The following AP5M1 variants were observed in gnomAD, a reference collection of about 807,000 sequenced individuals.
AP5M1 encodes the protein adaptor related protein complex 5 subunit mu 1.
A neutral mutation model predicts 52.3 loss-of-function variants in AP5M1; 44 were observed. The ratio of observed to expected loss-of-function variants is 0.84; its 90% CI spans 0.66 to 1.08. The LOEUF (loss-of-function observed/expected upper bound fraction) is 1.08. Ranked by LOEUF, AP5M1 falls within the 50% of genes least tolerant of loss-of-function variation. The pLI is 0.00. For synonymous variants in AP5M1, 213 were observed against 199.0 expected (o/e 1.07, Z -0.59); for missense variants, 526 against 568.4 (o/e 0.93, Z 0.76).
In AP5M1 at chr14:57,295,368, C is replaced by A. The variant is rs887906252; in HGVS notation, c.*6484C>A. The stretch of plus-strand genomic sequence containing the variant: ...ACAAGCAAATTGCTGTTGAAAAATT[C>A]TTTCAGCACTCTGCTGTTGCTACTC... On this transcript the variant is annotated 3_prime_UTR_variant, in exon 8 of 8. Coordinates refer to ENST00000261558, the MANE Select transcript of AP5M1 (RefSeq NM_018229.4). 3.9e-5 allele frequency: 6 copies of A among 151,924 alleles called. No individual in the cohort carries two copies. The highest frequency in any genetic ancestry group is 1.4e-4 in the African/African-American group (6 of 41,406). 9.4% of individuals were successfully genotyped at this position (151,924 alleles called of 1,614,324 possible).
intron 3 of AP5M1, 142 bp from the exon 4 acceptor site, chr14:57,281,947 A>G (rs1885188805): frequency 4.6e-6 from 3 of 659,076 alleles, no homozygotes; most frequent in Non-Finnish European, 7.1e-6. Context: ...TATCCTTAAG[A>G]TGAATATAGA....
rs914378102 is a variant in AP5M1 at position 57,291,969 on chromosome 14, A to G, written c.*3085A>G. ...GTGTTAATAAACAGTCCTCAGGTTTAAGGGACTTTTTTAGGATTACATCTT... is the reference window on the plus strand; with the variant it reads ...GTGTTAATAAACAGTCCTCAGGTTTGAGGGACTTTTTTAGGATTACATCTT... On this transcript the variant is annotated 3_prime_UTR_variant, in exon 8 of 8. Coordinates refer to ENST00000261558, the MANE Select transcript of AP5M1 (RefSeq NM_018229.4). The G allele has an allele frequency of 6.6e-6, 1 of 151,860 alleles. No individual in the cohort carries two copies. Among genetic ancestry groups the G allele is most frequent in the Non-Finnish European group, 1.5e-5 (1 of 67,842 alleles). 9.4% of individuals were successfully genotyped at this position (151,860 alleles called of 1,614,324 possible). A position where few individuals can be genotyped will look rare whatever the true frequency, so the allele number is the denominator to read the frequency against.
At position 57,295,160 on chromosome 14, in the gene AP5M1, T is replaced by C. The variant is rs946880986; in HGVS notation, c.*6276T>C. The C allele has an allele frequency of 3.3e-5, 5 of 151,916 alleles. No homozygotes were observed. The highest frequency in any genetic ancestry group is 7.4e-5 in the Non-Finnish European group (5 of 67,868). 9.4% of individuals were successfully genotyped at this position (151,916 alleles called of 1,614,324 possible). A position where few individuals can be genotyped will look rare whatever the true frequency, so the allele number is the denominator to read the frequency against. On this transcript the variant is annotated 3_prime_UTR_variant, in exon 8 of 8. Coordinates refer to ENST00000261558, the MANE Select transcript of AP5M1 (RefSeq NM_018229.4). ...TTCTAAAGGACATAGGAGTGCATTT[T>C]TTATATGAAACCAGAACTGGAGTGG...
Position 57,290,628 on chromosome 14 carries a change from A to G in AP5M1, c.*1744A>G, listed in dbSNP as rs1885415996. 1 of 151,940 alleles carries G rather than the reference A, an allele frequency of 6.6e-6. No homozygotes were observed. The allele number at this position is 151,940 out of a possible 1,614,324, so 9.4% of individuals were successfully genotyped here. A position where few individuals can be genotyped will look rare whatever the true frequency, so the allele number is the denominator to read the frequency against. The stretch of plus-strand genomic sequence containing the variant: ...AAAATCAGTGAATCTTCTATTTGAC[A>G]TTTCTAGAAACCGGAGGAAAATCTA... On this transcript the variant is annotated 3_prime_UTR_variant, in exon 8 of 8. Coordinates refer to ENST00000261558, the MANE Select transcript of AP5M1 (RefSeq NM_018229.4).
In AP5M1 at chr14:57,278,837, A is replaced by C. The variant is rs151331946; in HGVS notation, c.721-1358A>C. 2.1e-4 allele frequency among the ~76,000 whole-genome samples: 32 copies of C among 152,328 alleles called. 1 individual carries two copies. In the East Asian group the frequency reaches 5.8e-3, roughly 28 times the overall value. ...GGGTAGAAAATTTTTAAGCAGGTAG[A>C]TGAAGAAAAACAACCCCATTAAAAA... On this transcript the variant is annotated intron_variant, in intron 2 of 7. Transcript: ENST00000261558.
In AP5M1 at chr14:57,295,321, C is replaced by T. The variant is rs951965311; in HGVS notation, c.*6437C>T. 3.9e-5 allele frequency: 6 copies of T among 151,900 alleles called. No homozygotes were observed. The highest frequency in any genetic ancestry group is 1.4e-4 in the African/African-American group (6 of 41,420). The allele number at this position is 151,900 out of a possible 1,614,324, so 9.4% of individuals were successfully genotyped here. A position where few individuals can be genotyped will look rare whatever the true frequency, so the allele number is the denominator to read the frequency against. On this transcript the variant is annotated 3_prime_UTR_variant, in exon 8 of 8. Coordinates refer to ENST00000261558, the MANE Select transcript of AP5M1 (RefSeq NM_018229.4). ...CAAGCAACATAATGATTCTGATCAT[C>T]AACCTTGAAAAGTAAATTAGAACAA...
In AP5M1 at chr14:57,269,063, G is replaced by A. The variant is rs1212943076; in HGVS notation, c.-252G>A. 7 of 563,504 alleles carry A rather than the reference G, an allele frequency of 1.2e-5. No homozygotes were observed. In the Admixed American group the frequency reaches 2.2e-4, roughly 17 times the overall value. 34.9% of individuals were successfully genotyped at this position (563,504 alleles called of 1,614,324 possible). On this transcript the variant is annotated 5_prime_UTR_variant, in exon 1 of 8. Coordinates refer to ENST00000261558, the MANE Select transcript of AP5M1 (RefSeq NM_018229.4). ...GAGGAAGAAAATACCGGAGTTGCAGGGTATAGGTAAATTTCTCAAGGTTAT... is the reference window on the plus strand; with the variant it reads ...GAGGAAGAAAATACCGGAGTTGCAGAGTATAGGTAAATTTCTCAAGGTTAT...
chr14:57,292,883 GT>G lies in AP5M1; in HGVS notation c.*4001del. 1 of 151,518 alleles carries G rather than the reference GT, an allele frequency of 6.6e-6. No individual in the cohort carries two copies. The highest frequency in any genetic ancestry group is 1.9e-4 in the East Asian group (1 of 5,166). 9.4% of individuals were successfully genotyped at this position (151,518 alleles called of 1,614,324 possible). On this transcript the variant is annotated 3_prime_UTR_variant, in exon 8 of 8. Coordinates refer to ENST00000261558, the MANE Select transcript of AP5M1 (RefSeq NM_018229.4). The stretch of plus-strand genomic sequence containing the variant: ...TTAAGACTAATGATTTCGAAGCTTT[GT>G]TAACTATTTCTTTTCTTGAGGCAAA...
intron 7 of AP5M1, among the ~76,000 whole-genome samples, chr14:57,287,792 A>G (rs1885343312): frequency 6.6e-6 from 1 of 152,134 alleles, no homozygotes; most frequent in East Asian, 1.9e-4. Context: ...TAGTAATAAT[A>G]ATACCAATTT....
chr14:57,282,834 T>G, intron 4 of AP5M1, 100 bp from the exon 5 acceptor site: 1 of 670,940 alleles, frequency 1.5e-6, no homozygotes, highest in East Asian at 2.6e-5. Flanking sequence ...TCTGCTTTTA[T>G]GCTGTCCTTG....
chr14:57,281,698 A>G (rs947218449), intron 3 of AP5M1, among the ~76,000 whole-genome samples: 10 of 152,200 alleles, frequency 6.6e-5, no homozygotes, highest in Admixed American at 1.3e-4. Context: ...TCAGTCATTG[A>G]TGACCAACCA....
rs981318905 is a variant in AP5M1, at chr14:57,288,103, A to G, written c.1391-699A>G. Among the ~76,000 whole-genome samples the G allele has an allele frequency of 2.6e-5, 4 of 152,074 alleles. 1 individual carries two copies. Among genetic ancestry groups the G allele is most frequent in the Non-Finnish European group, 1.5e-5 (1 of 68,000 alleles). ...GAGAACAAAAAAGACAATATAGTCT[A>G]TATTCTTTTCATTATGAAGAAGGGC... On this transcript the variant is annotated intron_variant, in intron 7 of 7. Coordinates refer to ENST00000261558, the MANE Select transcript of AP5M1 (RefSeq NM_018229.4).
At chr14:57,283,256 C>T (rs1594705783) in intron 6 of AP5M1, 26 bp downstream of exon 6, 1 of 1,253,688 alleles carries the variant, frequency 8.0e-7, no homozygotes, top group Non-Finnish European at 1.1e-6. Context: ...CAGCTCACTA[C>T]AGTAGCACCC....
rs1256014730 is a variant in AP5M1 at position 57,295,458 on chromosome 14, CATT to C, written c.*6579_*6581del. The stretch of plus-strand genomic sequence containing the variant: ...CTCGGTTTTGCATTAACAAAGGAAA[CATT>C]ATTAAAGTGAATGTTTACATTGTGT... On this transcript the variant is annotated 3_prime_UTR_variant, in exon 8 of 8. Transcript: ENST00000261558. 4 of 151,780 alleles carry C rather than the reference CATT, an allele frequency of 2.6e-5. No individual in the cohort carries two copies. The highest frequency in any genetic ancestry group is 5.9e-5 in the Non-Finnish European group (4 of 67,844). The allele number at this position is 151,780 out of a possible 1,614,324, so 9.4% of individuals were successfully genotyped here.
intron 1 of AP5M1, chr14:57,273,897 A>G: frequency 1.7e-6 from 1 of 601,338 alleles, no homozygotes; most frequent in African/African-American, 1.8e-5. Context: ...TAGATGCCTA[A>G]AACGGTTCAA....
At position 57,290,644 on chromosome 14, in the gene AP5M1, G is replaced by A. The variant is rs1260878605; in HGVS notation, c.*1760G>A. The A allele has an allele frequency of 1.3e-5, 2 of 151,872 alleles. No homozygotes were observed. The highest frequency in any genetic ancestry group is 4.8e-5 in the African/African-American group (2 of 41,388). The allele number at this position is 151,872 out of a possible 1,614,324, so 9.4% of individuals were successfully genotyped here. On this transcript the variant is annotated 3_prime_UTR_variant, in exon 8 of 8. Transcript: ENST00000261558. ...CTATTTGACATTTCTAGAAACCGGA[G>A]GAAAATCTAGGGTGTCCTGGAAAAG...
intron 1 of AP5M1, among the ~76,000 whole-genome samples, chr14:57,270,420 G>A (rs1340342362): frequency 6.6e-6 from 1 of 152,110 alleles, no homozygotes; most frequent in Non-Finnish European, 1.5e-5. Context: ...TAGTGAAGTA[G>A]TACCATAGTA....
At position 57,269,250 on chromosome 14, in the gene AP5M1, G is replaced by A. The variant is rs1003322657; in HGVS notation, c.-65G>A. 2 of 1,486,164 alleles carry A rather than the reference G, an allele frequency of 1.3e-6. No individual in the cohort carries two copies. Among genetic ancestry groups the A allele is most frequent in the African/African-American group, 1.4e-5 (1 of 72,016 alleles). The allele number at this position is 1,486,164 out of a possible 1,614,324, so 92.1% of individuals were successfully genotyped here. On this transcript the variant is annotated 5_prime_UTR_variant, in exon 1 of 8. Transcript: ENST00000261558. ...TGTTAAGAGTCTGTCTGAGAAAGCCGGTCTGCGCTGTTCCTCGGTGGCGAC... is the reference window on the plus strand; with the variant it reads ...TGTTAAGAGTCTGTCTGAGAAAGCCAGTCTGCGCTGTTCCTCGGTGGCGAC...
chr14:57,280,062 A>G, intron 2 of AP5M1, 133 bp from the exon 3 acceptor site: 1 of 717,216 alleles, frequency 1.4e-6, no homozygotes, highest in Non-Finnish European at 2.4e-6. Context: ...TAATAAGAAC[A>G]CAGAAAGCAA....
Sources: gnomAD v4.1 joint callset for allele counts (sites outside exome capture counted in the v4.1 genomes callset) on GRCh38, gnomAD v4.1.1 for gene constraint, MANE v1.5 for transcripts, NCBI Gene and HGNC (gene_info 2026-07-23, HGNC 2026-07-21) for gene names.